EIF4G3: variants seen among roughly 807,000 people sequenced by gnomAD.
EIF4G3 encodes eIF-4-gamma 3.
EIF4G3 carries 34 observed loss-of-function variants against 186.4 expected under a neutral mutation model. The ratio of observed to expected loss-of-function variants is 0.18; its 90% CI spans 0.14 to 0.24. The LOEUF (loss-of-function observed/expected upper bound fraction) is 0.24, where lower values mean the gene tolerates loss of function less well. Ranked by LOEUF, EIF4G3 falls within the 10% of genes least tolerant of loss-of-function variation. EIF4G3 has a pLI of 1.00. For synonymous variants in EIF4G3, 673 were observed against 679.5 expected, an observed-to-expected ratio of 0.99 and a Z score of 0.15; for missense variants, 1,536 against 1,948.5, an observed-to-expected ratio of 0.79 and a Z score of 3.99.
intron 36 of EIF4G3, among the ~76,000 whole-genome samples, chr1:20,809,852 G>A (rs993883436): frequency 2.0e-5 from 3 of 152,216 alleles, no homozygotes; most frequent in Non-Finnish European, 2.9e-5. Context: ...ATACTCAATG[G>A]TATGGATATA....
intron 4 of EIF4G3, among the ~76,000 whole-genome samples, chr1:21,017,929 G>C (rs1169179423): frequency 6.6e-6 from 1 of 151,904 alleles, no homozygotes; most frequent in Non-Finnish European, 1.5e-5. Context: ...GATACACAGT[G>C]TTGACAATTA....
intron 13 of EIF4G3, among the ~76,000 whole-genome samples, chr1:20,945,954 T>C (rs902930266): frequency 3.9e-5 from 6 of 152,232 alleles, no homozygotes; most frequent in African/African-American, 1.4e-4. Flanking sequence ...TTTGCTTAGC[T>C]GTAGTTTCCA....
Position 20,899,750 on chromosome 1 carries a change from T to C in EIF4G3, c.1946A>G (p.Asn649Ser). The C allele has an allele frequency of 6.2e-7, 1 of 1,614,158 alleles. No homozygotes were observed. The highest frequency in any genetic ancestry group is 8.5e-7 in the Non-Finnish European group (1 of 1,179,996). ...ACCAGAACTATCTGTGGAGCCTGAA[T>C]TAGCATCTATTCCTTCACCCTCAGA... ...SVSEGEGIDANSGSTDSSGDG... is the reference protein window; with the variant it reads ...SVSEGEGIDASSGSTDSSGDG... Residue 649 changes from asparagine (N) to serine (S), a missense_variant, in exon 16 of 37, where the codon AAT becomes AGT. By Grantham distance (46) the Asn-to-Ser change is conservative. Transcript: ENST00000602326.
At chr1:20,999,423 T>C in intron 6 of EIF4G3, 1 of 319,306 alleles carries the variant, frequency 3.1e-6, no homozygotes, top group South Asian at 2.6e-5. Context: ...GAAATGTTTC[T>C]TTATGACACT....
At chr1:21,025,174 G>T (rs2091878694) in intron 4 of EIF4G3, among the ~76,000 whole-genome samples, 1 of 152,178 alleles carries the variant, frequency 6.6e-6, no homozygotes, top group Non-Finnish European at 1.5e-5. Flanking sequence ...CCAGAGAATA[G>T]AAGTGCATGA....
At chr1:20,843,483 CT>C (rs1385807127) in intron 29 of EIF4G3, among the ~76,000 whole-genome samples, 1 of 151,950 alleles carries the variant, frequency 6.6e-6, no homozygotes, top group Admixed American at 6.6e-5. Context: ...CCCCACTGCA[CT>C]CCAGCCTGGG....
chr1:20,887,685 G>C (rs1169645026), intron 18 of EIF4G3, among the ~76,000 whole-genome samples: 1 of 150,168 alleles, frequency 6.7e-6, no homozygotes, highest in Non-Finnish European at 1.5e-5. Context: ...GATAAACCCA[G>C]AGGTATGAGA....
At chr1:21,115,601 T>C (rs1436933899) in intron 2 of EIF4G3, among the ~76,000 whole-genome samples, 5 of 152,216 alleles carry the variant, frequency 3.3e-5, no homozygotes, top group African/African-American at 1.2e-4. Flanking sequence ...TGTATAAGAT[T>C]GTTTCTTCAC....
At chr1:20,942,770 A>C (rs1043881165) in intron 13 of EIF4G3, among the ~76,000 whole-genome samples, 1 of 152,158 alleles carries the variant, frequency 6.6e-6, no homozygotes, top group Non-Finnish European at 1.5e-5. Context: ...TTAAATTATT[A>C]TAAAGGGACT....
At chr1:20,982,058 T>C (rs1042365079) in intron 8 of EIF4G3, among the ~76,000 whole-genome samples, 10 of 152,296 alleles carry the variant, frequency 6.6e-5, no homozygotes, top group African/African-American at 2.2e-4. Flanking sequence ...AAACCATCTG[T>C]AGGGTTGTCA....
intron 19 of EIF4G3, among the ~76,000 whole-genome samples, chr1:20,882,022 G>A (rs982668509): frequency 9.9e-5 from 15 of 151,734 alleles, no homozygotes; most frequent in African/African-American, 3.6e-4. Context: ...AAATTAGCTG[G>A]GTGTGTAGTA....
chr1:20,842,999 T>C (rs913132566), intron 29 of EIF4G3, among the ~76,000 whole-genome samples: 1 of 151,962 alleles, frequency 6.6e-6, no homozygotes, highest in Non-Finnish European at 1.5e-5. Flanking sequence ...CATGCCACCA[T>C]GCCCGGCTAA....
chr1:20,811,024 A>C, intron 35 of EIF4G3, 140 bp from the exon 36 acceptor site: 1 of 746,054 alleles, frequency 1.3e-6, no homozygotes, highest in Non-Finnish European at 2.0e-6. Flanking sequence ...ATCTAAGCTC[A>C]CTGCAACCTC....
intron 24 of EIF4G3, among the ~76,000 whole-genome samples, chr1:20,859,548 A>T (rs2075877986): frequency 6.6e-6 from 1 of 152,210 alleles, no homozygotes; most frequent in Non-Finnish European, 1.5e-5. Flanking sequence ...CTATCGTCTC[A>T]GGTTTAAAAT....
intron 14 of EIF4G3, among the ~76,000 whole-genome samples, chr1:20,936,718 C>G (rs1053163994): frequency 3.3e-5 from 5 of 152,148 alleles, no homozygotes; most frequent in Admixed American, 6.5e-5. Flanking sequence ...ACTCTGAATA[C>G]TCTCACAGTT....
intron 2 of EIF4G3, among the ~76,000 whole-genome samples, chr1:21,120,545 G>A (rs1016389593): frequency 6.8e-6 from 1 of 147,292 alleles, no homozygotes; most frequent in Non-Finnish European, 1.5e-5. Flanking sequence ...AGAATCACTT[G>A]AACCCAGGAG....
At chr1:20,997,248 T>C (rs1333586056) in intron 7 of EIF4G3, among the ~76,000 whole-genome samples, 3 of 152,290 alleles carry the variant, frequency 2.0e-5, no homozygotes, top group African/African-American at 4.8e-5. Context: ...ACCCATAGAA[T>C]GCTGCCTGCT....
At chr1:20,970,299 G>A (rs776010400) in intron 11 of EIF4G3, among the ~76,000 whole-genome samples, 2 of 152,254 alleles carry the variant, frequency 1.3e-5, no homozygotes, top group East Asian at 1.9e-4. Flanking sequence ...AAGGTTGATC[G>A]AGAACAGAAT....
At chr1:20,973,164 T>TG in intron 10 of EIF4G3, 65 bp from the exon 11 acceptor site, 6 of 1,168,374 alleles carry the variant, frequency 5.1e-6, no homozygotes, top group Non-Finnish European at 7.6e-6. Flanking sequence ...GAACTAGCAA[T>TG]GACACTGTGT....
Sources: allele counts gnomAD v4.1 joint callset (sites outside exome capture counted in the v4.1 genomes callset), GRCh38; gene constraint gnomAD v4.1.1; transcripts MANE v1.5; gene names NCBI Gene and HGNC (gene_info 2026-07-23, HGNC 2026-07-21).